The following NFX1 variants were observed in gnomAD, a reference collection of about 807,000 sequenced individuals.
NFX1 encodes the protein nuclear transcription factor, X-box binding 1.
A neutral mutation model predicts 137.2 loss-of-function variants in NFX1; 69 were observed. The ratio of observed to expected loss-of-function variants is 0.50; its 90% CI spans 0.41 to 0.61. The LOEUF (loss-of-function observed/expected upper bound fraction) is 0.61, where lower values mean the gene tolerates loss of function less well. NFX1 is among the 20% of genes least tolerant of loss of function. The pLI, the probability that NFX1 is intolerant of heterozygous loss-of-function variation, is 0.00. For missense variants in NFX1, 1,167 were observed against 1,391.0 expected (o/e 0.84, Z 2.56); for synonymous variants, 495 against 474.1 (o/e 1.04, Z -0.57).
chr9:33,290,586 C>T lies in NFX1; in HGVS notation c.14C>T (p.Pro5Leu), dbSNP rs1389573614. 2 of 1,613,824 alleles carry T rather than the reference C, an allele frequency of 1.2e-6. No homozygotes were observed. The highest frequency in any genetic ancestry group is 2.7e-5 in the African/African-American group (2 of 74,952). Residue 5 changes from proline (P) to leucine (L), a missense_variant, in exon 1 of 24, where the codon CCT (proline) becomes CTT (leucine). Pro to Leu is a moderately conservative substitution (Grantham distance 98, BLOSUM62 -3). Around this residue, in one of 3 missense-constraint regions of NFX1, gnomAD observed 367 missense variants for 386.7 expected, o/e 0.95. Transcript: ENST00000379540. ...CTGCGGCACGGGATGGCGGAGGCGC[C>T]TCCTGTCTCAGGTATTGTCCCGGCC... MAEA[P>L]PVSGTFKFNT...
chr9:33,348,667 G>C (rs1326656690), intron 15 of NFX1: 1 of 840,340 alleles, frequency 1.2e-6, no homozygotes, highest in Non-Finnish European at 1.4e-6. Context: ...TTGCCACAAA[G>C]TTTCAATTTG....
In NFX1 at chr9:33,370,560, G is replaced by A. The variant is rs1824297288; in HGVS notation, c.*582G>A. ...AAACCTCTCATAGGTATATCTAGCT[G>A]AACTTATTTTGGCATTTTCAATGTG... is the stretch of plus-strand genomic sequence containing the variant. On this transcript the variant is annotated 3_prime_UTR_variant, in exon 24 of 24. Transcript: ENST00000379540. 1 of 152,404 alleles carries A rather than the reference G, an allele frequency of 6.6e-6. No individual in the cohort carries two copies. Among genetic ancestry groups the A allele is most frequent in the Admixed American group, 6.5e-5 (1 of 15,284 alleles). The allele number at this position is 152,404 out of a possible 1,614,324, so 9.4% of individuals were successfully genotyped here.
chr9:33,296,668 G>A (rs1208174931), intron 2 of NFX1, among the ~76,000 whole-genome samples: 2 of 152,248 alleles, frequency 1.3e-5, no homozygotes, highest in African/African-American at 2.4e-5. Context: ...CCAGGAGATC[G>A]AGGCTGCAGT....
At chr9:33,311,007 G>A in intron 5 of NFX1, 99 bp from the exon 6 acceptor site, 1 of 951,294 alleles carries the variant, frequency 1.1e-6, no homozygotes, top group Non-Finnish European at 1.7e-6. Flanking sequence ...CATAGTAGAT[G>A]TATTTGTTGC....
At chr9:33,356,214 A>G (rs10971479) in intron 19 of NFX1, among the ~76,000 whole-genome samples, 7,070 of 152,150 alleles carry the variant, frequency 0.046, 476 homozygotes, top group African/African-American at 0.15. Context: ...TTTAATTTCT[A>G]TTTTCCTGAT....
In NFX1 at chr9:33,337,383, T is replaced by C. The variant is rs376551960; in HGVS notation, c.2036-1127T>C. 9.8e-4 allele frequency among the ~76,000 whole-genome samples: 150 copies of C among 152,302 alleles called. 3 individuals are homozygous for C. Among genetic ancestry groups the C allele is most frequent in the African/African-American group, 3.4e-3 (141 of 41,566 alleles). ...GGTTATATGCAAATATTATACCATT[T>C]TGTATAAGAGACTTCAATATCTGTG... On this transcript the variant is annotated intron_variant, in intron 11 of 23. Transcript: ENST00000379540.
At chr9:33,316,848 C>A (rs970398041) in intron 7 of NFX1, among the ~76,000 whole-genome samples, 2 of 152,132 alleles carry the variant, frequency 1.3e-5, no homozygotes, top group African/African-American at 4.8e-5. Flanking sequence ...AGTATTTACT[C>A]AGATTTTTTC....
chr9:33,354,246 C>T, intron 18 of NFX1, 59 bp downstream of exon 18: 3 of 1,317,034 alleles, frequency 2.3e-6, no homozygotes, highest in Non-Finnish European at 3.2e-6. Flanking sequence ...AATTAGAGGG[C>T]AGAGATTATT....
chr9:33,342,794 G>A lies in NFX1; in HGVS notation c.2164G>A (p.Gly722Ser). Reference sequence around the variant, plus strand: ...GATTTGTGGGAGGAAACTCCGTTGTGGCCTTCATAGGTGTGAAGAACCTTG... The same window carrying A: ...GATTTGTGGGAGGAAACTCCGTTGTAGCCTTCATAGGTGTGAAGAACCTTG... ...PLICGRKLRC[G>S]LHRCEEPCHR... Residue 722 changes from glycine to serine, a missense_variant, in exon 13 of 24, where the codon GGC (glycine) becomes AGC (serine). Gly to Ser is a moderately conservative substitution (Grantham distance 56, BLOSUM62 0). Coordinates refer to ENST00000379540, the MANE Select transcript of NFX1 (RefSeq NM_002504.6). 1 of 1,613,812 alleles carries A rather than the reference G, an allele frequency of 6.2e-7. No homozygotes were observed. The highest frequency in any genetic ancestry group is 8.5e-7 in the Non-Finnish European group (1 of 1,179,910).
chr9:33,340,971 C>T (rs1377592880), intron 12 of NFX1, among the ~76,000 whole-genome samples: 1 of 152,202 alleles, frequency 6.6e-6, no homozygotes, highest in African/African-American at 2.4e-5. Context: ...TCCAAACTTT[C>T]CCACATTCTC....
At chr9:33,335,608 G>A (rs1387928288) in intron 11 of NFX1, among the ~76,000 whole-genome samples, 1 of 151,956 alleles carries the variant, frequency 6.6e-6, no homozygotes. Flanking sequence ...TGAATGCTTG[G>A]TCTCAAGTGA....
chr9:33,348,820 A>G, intron 15 of NFX1: 1 of 978,994 alleles, frequency 1.0e-6, no homozygotes, highest in African/African-American at 1.7e-5. Context: ...GACGTGGTAC[A>G]CATTTTTCCT....
chr9:33,349,068 A>ATATGT (rs1823539734), intron 15 of NFX1, among the ~76,000 whole-genome samples: 1 of 152,086 alleles, frequency 6.6e-6, no homozygotes, highest in Non-Finnish European at 1.5e-5. Flanking sequence ...TATATGTCTC[A>ATATGT]CCTTTTCCAG....
In NFX1 at chr9:33,307,274, C is replaced by A; in HGVS notation, c.1351C>A (p.Gln451Lys). 3 of 1,614,080 alleles carry A rather than the reference C, an allele frequency of 1.9e-6. No homozygotes were observed. The highest frequency in any genetic ancestry group is 2.5e-6 in the Non-Finnish European group (3 of 1,179,958). ...GEVCRKKQPG[Q>K]DCPHSCNLLC... Reference sequence around the variant, plus strand: ...GGTTTGTAGAAAGAAACAGCCTGGCCAGGACTGCCCACATTCCTGTAACCT... The same window carrying A: ...GGTTTGTAGAAAGAAACAGCCTGGCAAGGACTGCCCACATTCCTGTAACCT... The change falls in exon 5 of 24, where the codon CAG becomes AAG. Residue 451 changes from glutamine to lysine, a missense_variant. Transcript: ENST00000379540.
chr9:33,305,208 T>G (rs1275532473), intron 4 of NFX1, among the ~76,000 whole-genome samples: 3 of 152,226 alleles, frequency 2.0e-5, no homozygotes, highest in Non-Finnish European at 2.9e-5. Context: ...CTGCTAGAAG[T>G]ACAAAGTACT....
intron 23 of NFX1, among the ~76,000 whole-genome samples, chr9:33,368,761 C>T (rs1824241702): frequency 6.6e-6 from 1 of 152,228 alleles, no homozygotes; most frequent in South Asian, 2.1e-4. Context: ...GTGGTTACGG[C>T]AGTTCACAAG....
intron 16 of NFX1, 123 bp from the exon 17 acceptor site, chr9:33,352,523 A>G: frequency 5.0e-6 from 4 of 801,012 alleles, no homozygotes; most frequent in Non-Finnish European, 8.7e-6. Context: ...TCCAGCTTGG[A>G]GAGTGGCCAC....
rs539118879 is a variant in NFX1, at chr9:33,290,710, C to T, written c.25+113C>T. 12 of 1,061,786 alleles carry T rather than the reference C, an allele frequency of 1.1e-5. No homozygotes were observed. In the East Asian group the frequency reaches 2.6e-4, roughly 23 times the overall value. 65.8% of individuals were successfully genotyped at this position (1,061,786 alleles called of 1,614,324 possible). A position where few individuals can be genotyped will look rare whatever the true frequency, so the allele number is the denominator to read the frequency against. On this transcript the variant is annotated intron_variant, in intron 1 of 23. Transcript: ENST00000379540. ...ATCGCGAGAGTAGCACATGCTAGGG[C>T]GTAGGATAGTGGCTCGGAAGGGCCA...
intron 13 of NFX1, among the ~76,000 whole-genome samples, chr9:33,343,484 G>C (rs1466032702): frequency 1.3e-5 from 2 of 152,122 alleles, no homozygotes; most frequent in Admixed American, 1.3e-4. Context: ...AAAAAATCCA[G>C]CCTTACACAG....
Sources: allele counts gnomAD v4.1 joint callset (sites outside exome capture counted in the v4.1 genomes callset), GRCh38; gene constraint gnomAD v4.1.1; regional missense constraint gnomAD v4.1.1; transcripts MANE v1.5; gene names NCBI Gene and HGNC (gene_info 2026-07-23, HGNC 2026-07-21).